The following HYAL4 variants were observed in gnomAD, a reference collection of about 807,000 sequenced individuals.
HYAL4 encodes hyaluronidase-4.
HYAL4 carries 37 observed loss-of-function variants against 35.2 expected under a neutral mutation model. The observed-to-expected ratio is 1.05, with a 90% CI of 0.81 to 1.38. HYAL4 has a LOEUF of 1.38. HYAL4 is among the 40% of genes most tolerant of loss of function. The pLI is 0.00. For synonymous variants in HYAL4, 198 were observed against 203.2 expected (o/e 0.97, Z 0.22); for missense variants, 572 against 572.4 (o/e 1.00, Z 0.01).
upstream of HYAL4, among the ~76,000 whole-genome samples, chr7:123,841,503 T>A (rs1196159728): frequency 6.6e-6 from 1 of 152,104 alleles, no homozygotes; most frequent in Non-Finnish European, 1.5e-5. Flanking sequence ...GATGTTGGCC[T>A]CATAGAATGA....
chr7:123,859,558 A>G (rs1292821613), intron 2 of HYAL4, among the ~76,000 whole-genome samples: 1 of 152,148 alleles, frequency 6.6e-6, no homozygotes, highest in Non-Finnish European at 1.5e-5. Context: ...GATAGTGTTC[A>G]TTTCCATTAA....
At chr7:123,867,581 A>C (rs1806720718) in intron 2 of HYAL4, among the ~76,000 whole-genome samples, 1 of 152,136 alleles carries the variant, frequency 6.6e-6, no homozygotes, top group Admixed American at 6.5e-5. Flanking sequence ...GAAACCCAAA[A>C]CATCTATTCT....
intron 2 of HYAL4, among the ~76,000 whole-genome samples, chr7:123,860,371 T>C (rs1806550601): frequency 6.6e-6 from 1 of 152,232 alleles, no homozygotes. Context: ...ACTGTGTACA[T>C]ATGTAATTTG....
chr7:123,782,707 CT>C, the HYAL4 span, among the ~76,000 whole-genome samples: 10,037 of 152,108 alleles, frequency 0.066, 418 homozygotes, highest in East Asian at 0.11. Context: ...GGTAGGATTT[CT>C]TGATTCAATA....
chr7:123,870,114 A>G (rs1187131022), intron 3 of HYAL4, among the ~76,000 whole-genome samples: 2 of 152,246 alleles, frequency 1.3e-5, no homozygotes, highest in Non-Finnish European at 2.9e-5. Flanking sequence ...GTGGTTTAAT[A>G]TATTTTAACA....
the HYAL4 span, among the ~76,000 whole-genome samples, chr7:123,817,912 CT>C: frequency 3.3e-5 from 5 of 152,098 alleles, no homozygotes; most frequent in Admixed American, 1.3e-4. Flanking sequence ...GAGTCTCGCC[CT>C]GTCACCCAAG....
intron 1 of HYAL4, among the ~76,000 whole-genome samples, chr7:123,832,755 C>T (rs1805905154): frequency 6.6e-6 from 1 of 151,698 alleles, no homozygotes; most frequent in Non-Finnish European, 1.5e-5. Flanking sequence ...CTTGCTTCGG[C>T]CCCCCAGGCG....
At chr7:123,835,727 T>C (rs1022430758) in intron 1 of HYAL4, among the ~76,000 whole-genome samples, 1 of 152,204 alleles carries the variant, frequency 6.6e-6, no homozygotes, top group Non-Finnish European at 1.5e-5. Flanking sequence ...CTACGAACTT[T>C]CCTCTTAGCA....
chr7:123,853,252 A>G (rs1806352578), intron 2 of HYAL4, among the ~76,000 whole-genome samples: 2 of 152,198 alleles, frequency 1.3e-5, no homozygotes, highest in Admixed American at 1.3e-4. Flanking sequence ...TGCCCTAGCC[A>G]GAACTTCCAA....
At chr7:123,839,841 T>C (rs1017743171) in intron 1 of HYAL4, among the ~76,000 whole-genome samples, 3 of 152,166 alleles carry the variant, frequency 2.0e-5, no homozygotes, top group South Asian at 2.1e-4. Context: ...TGTTTGTTTT[T>C]TTTTCTTGTA....
chr7:123,812,105 G>C, the HYAL4 span, among the ~76,000 whole-genome samples: 1 of 152,220 alleles, frequency 6.6e-6, no homozygotes, highest in Non-Finnish European at 1.5e-5. Context: ...CTCCCAAAGT[G>C]CTGGGAATAC....
chr7:123,809,810 T>G, the HYAL4 span, among the ~76,000 whole-genome samples: 1 of 152,138 alleles, frequency 6.6e-6, no homozygotes, highest in African/African-American at 2.4e-5. Flanking sequence ...TTGTGTTCTC[T>G]CTCACCTGTC....
intron 2 of HYAL4, among the ~76,000 whole-genome samples, chr7:123,861,650 A>G (rs1268659483): frequency 2.0e-5 from 3 of 152,204 alleles, no homozygotes; most frequent in Non-Finnish European, 1.5e-5. Flanking sequence ...CAGACTGAAT[A>G]ATATAGTGAA....
At chr7:123,834,298 A>C (rs1351691409) in intron 1 of HYAL4, among the ~76,000 whole-genome samples, 2 of 151,420 alleles carry the variant, frequency 1.3e-5, no homozygotes, top group Non-Finnish European at 2.9e-5. Flanking sequence ...GAGGTCTTTC[A>C]CCTCCTTAGT....
chr7:123,862,249 T>C (rs1340273709), intron 2 of HYAL4, among the ~76,000 whole-genome samples: 1 of 152,184 alleles, frequency 6.6e-6, no homozygotes, highest in African/African-American at 2.4e-5. Context: ...CTTTGGTCAG[T>C]ACTTTCCTTA....
chr7:123,788,853 A>G, the HYAL4 span, among the ~76,000 whole-genome samples: 1 of 152,238 alleles, frequency 6.6e-6, no homozygotes, highest in East Asian at 1.9e-4. Context: ...AAATTCCTTC[A>G]TTAAAAATGT....
intron 2 of HYAL4, among the ~76,000 whole-genome samples, chr7:123,857,669 G>GTTTGTTTGTTTCTTTC (rs1283770130): frequency 1.0e-3 from 126 of 124,722 alleles, no homozygotes; most frequent in Middle Eastern, 4.2e-3. Flanking sequence ...TTCTTTGTTT[G>GTTTGTTTGTTTCTTTC]TTTCTTTCTT....
chr7:123,842,156 A>G (rs1439931829), upstream of HYAL4, among the ~76,000 whole-genome samples: 1 of 152,058 alleles, frequency 6.6e-6, no homozygotes, highest in African/African-American at 2.4e-5. Context: ...TTCCCTCTAC[A>G]CACTGCTTTA....
upstream of HYAL4, among the ~76,000 whole-genome samples, chr7:123,843,333 C>G (rs539381820): frequency 1.2e-4 from 19 of 152,090 alleles, no homozygotes; most frequent in Non-Finnish European, 2.2e-4. Flanking sequence ...GGCCTCCACT[C>G]TCTTCTGGCT....
Sources: allele counts gnomAD v4.1 joint callset (sites outside exome capture counted in the v4.1 genomes callset), GRCh38; gene constraint gnomAD v4.1.1; transcripts MANE v1.5; gene names NCBI Gene and HGNC (gene_info 2026-07-23, HGNC 2026-07-21).